Variants in SEMA3A observed in about 807,000 individuals in gnomAD.
SEMA3A encodes the protein semaphorin-3A.
SEMA3A carries 29 observed loss-of-function variants against 97.9 expected under a neutral mutation model. The observed-to-expected ratio is 0.30, with a 90% confidence interval of 0.22 to 0.40. The LOEUF (loss-of-function observed/expected upper bound fraction) is 0.40. SEMA3A is among the 10% of genes least tolerant of loss of function. The pLI is 1.00. For synonymous variants in SEMA3A, 321 were observed against 323.7 expected (o/e 0.99, Z 0.09); for missense variants, 763 against 951.3 (o/e 0.80, Z 2.60).
At chr7:84,026,464 C>G (rs996529593) in intron 6 of SEMA3A, among the ~76,000 whole-genome samples, 1 of 152,132 alleles carries the variant, frequency 6.6e-6, no homozygotes, top group African/African-American at 2.4e-5. Flanking sequence ...CTGCTTTGAA[C>G]TACCATGCAA....
At chr7:84,004,427 AT>A (rs1029660220) in intron 11 of SEMA3A, among the ~76,000 whole-genome samples, 9 of 151,866 alleles carry the variant, frequency 5.9e-5, no homozygotes, top group African/African-American at 1.2e-4. Context: ...TTTCTAATGA[AT>A]TTTTTTTCTT....
At chr7:84,359,132 C>G (rs1191809203) in intron 2 of SEMA3A, among the ~76,000 whole-genome samples, 1 of 152,106 alleles carries the variant, frequency 6.6e-6, no homozygotes, top group Non-Finnish European at 1.5e-5. Context: ...CCCTTTATTT[C>G]TTTCTCCTGC....
At chr7:84,075,864 AT>A (rs1793928728) in intron 4 of SEMA3A, among the ~76,000 whole-genome samples, 1 of 152,100 alleles carries the variant, frequency 6.6e-6, no homozygotes, top group Non-Finnish European at 1.5e-5. Flanking sequence ...GTGACTAAGA[AT>A]TTCCCCATTA....
At chr7:84,334,688 C>G (rs1004376571) in intron 2 of SEMA3A, among the ~76,000 whole-genome samples, 1 of 150,882 alleles carries the variant, frequency 6.6e-6, no homozygotes, top group Non-Finnish European at 1.5e-5. Flanking sequence ...AACCTCAATC[C>G]TCCCTTTTAC....
At chr7:84,106,242 C>A (rs1583976048) in intron 4 of SEMA3A, among the ~76,000 whole-genome samples, 1 of 152,136 alleles carries the variant, frequency 6.6e-6, no homozygotes, top group Admixed American at 6.6e-5. Context: ...CTAAAAAATT[C>A]TTATTGCATA....
At chr7:84,483,320 T>C (rs1806492782) in intron 1 of SEMA3A, among the ~76,000 whole-genome samples, 1 of 152,120 alleles carries the variant, frequency 6.6e-6, no homozygotes, top group African/African-American at 2.4e-5. Context: ...ATAGGAAAAA[T>C]GACCCTTAAC....
chr7:84,259,814 C>CA (rs201882668), intron 3 of SEMA3A, among the ~76,000 whole-genome samples: 9,579 of 73,084 alleles, frequency 0.13, 483 homozygotes, highest in East Asian at 0.34. Context: ...AACACACGCA[C>CA]AAAAAAAAAA....
At chr7:84,485,377 ATTT>A (rs36033736) in intron 1 of SEMA3A, among the ~76,000 whole-genome samples, 1 of 145,886 alleles carries the variant, frequency 6.9e-6, no homozygotes, top group African/African-American at 2.5e-5. Context: ...TATTTTATGT[ATTT>A]TTTTTTTTTT....
intron 1 of SEMA3A, among the ~76,000 whole-genome samples, chr7:84,186,418 G>A (rs140511223): frequency 8.5e-5 from 13 of 152,200 alleles, no homozygotes; most frequent in Admixed American, 4.6e-4. Context: ...TTATGAAAAC[G>A]TACTTTCATT....
intron 1 of SEMA3A, among the ~76,000 whole-genome samples, chr7:84,401,490 A>AT (rs1803902467): frequency 7.5e-6 from 1 of 133,850 alleles, no homozygotes; most frequent in Admixed American, 7.5e-5. Flanking sequence ...TCACAGAAAT[A>AT]GAAAAAAAAA....
chr7:84,356,764 C>G (rs1802570746), intron 2 of SEMA3A, among the ~76,000 whole-genome samples: 1 of 151,744 alleles, frequency 6.6e-6, no homozygotes, highest in Non-Finnish European at 1.5e-5. Context: ...GAATTGTTCT[C>G]TATTTAAGTA....
chr7:83,988,278 G>T (rs1263338623), intron 12 of SEMA3A, among the ~76,000 whole-genome samples: 2 of 152,046 alleles, frequency 1.3e-5, no homozygotes, highest in Non-Finnish European at 2.9e-5. Flanking sequence ...CGAGGCTGGA[G>T]TGCAGTGGCG....
chr7:84,008,860 G>A (rs987100375), intron 9 of SEMA3A, among the ~76,000 whole-genome samples: 1 of 152,022 alleles, frequency 6.6e-6, no homozygotes, highest in Admixed American at 6.6e-5. Context: ...TTTCATAGCA[G>A]AACAAATAGC....
intron 3 of SEMA3A, among the ~76,000 whole-genome samples, chr7:84,288,989 A>G (rs982992270): frequency 4.6e-5 from 7 of 152,304 alleles, no homozygotes; most frequent in African/African-American, 1.7e-4. Context: ...ATGAATGGAT[A>G]AAGAAAATGT....
intron 5 of SEMA3A, among the ~76,000 whole-genome samples, chr7:84,051,063 A>G (rs2115617011): frequency 6.6e-6 from 1 of 151,394 alleles, no homozygotes; most frequent in Admixed American, 6.6e-5. Context: ...TGTTCCATTG[A>G]TCTATATCTC....
At chr7:84,403,502 C>T (rs1399526630) in intron 1 of SEMA3A, among the ~76,000 whole-genome samples, 1 of 152,200 alleles carries the variant, frequency 6.6e-6, no homozygotes, top group Non-Finnish European at 1.5e-5. Context: ...TAGCAATAAC[C>T]TCTGCAGACT....
intron 3 of SEMA3A, among the ~76,000 whole-genome samples, chr7:84,282,299 A>G (rs1381519610): frequency 6.6e-6 from 1 of 152,166 alleles, no homozygotes; most frequent in East Asian, 1.9e-4. Flanking sequence ...TGTGGCTGCT[A>G]TAAAATAATT....
At chr7:84,052,685 G>A (rs2115631392) in intron 5 of SEMA3A, among the ~76,000 whole-genome samples, 1 of 152,052 alleles carries the variant, frequency 6.6e-6, no homozygotes, top group South Asian at 2.1e-4. Flanking sequence ...TTAATTTTTG[G>A]AAGGGTTTTT....
In SEMA3A at chr7:83,960,698, T is replaced by A. The variant is rs1291077239; in HGVS notation, c.*673A>T. On this transcript the variant is annotated 3_prime_UTR_variant, in exon 17 of 17. Transcript: ENST00000265362. ...AGCTTAGAAAACAACTAATTTTTAC[T>A]GCATATTTTTCATGGTACATTTAAA... The A allele has an allele frequency of 6.6e-6, 1 of 152,638 alleles. No homozygotes were observed. The highest frequency in any genetic ancestry group is 1.9e-4 in the East Asian group (1 of 5,192). 9.5% of individuals were successfully genotyped at this position (152,638 alleles called of 1,614,324 possible).
Sources: gnomAD v4.1 joint callset for allele counts (sites outside exome capture counted in the v4.1 genomes callset) on GRCh38, gnomAD v4.1.1 for gene constraint, MANE v1.5 for transcripts, NCBI Gene and HGNC (gene_info 2026-07-23, HGNC 2026-07-21) for gene names.